The following TANC1 variants were observed in gnomAD, a reference collection of about 807,000 sequenced individuals.
TANC1 encodes tetratricopeptide repeat, ankyrin repeat and coiled-coil containing 1.
Under a neutral mutation model 149.7 loss-of-function variants are expected in TANC1, and 77 were observed. The ratio of observed to expected loss-of-function variants is 0.51; its 90% CI spans 0.43 to 0.62. TANC1 has a LOEUF of 0.62. Ranked by LOEUF, TANC1 falls within the 20% of genes least tolerant of loss-of-function variation. The pLI is 0.00. For missense variants in TANC1, 1,985 were observed against 2,321.8 expected, an observed-to-expected ratio of 0.85 and a Z score of 2.98; for synonymous variants, 854 against 925.0, an observed-to-expected ratio of 0.92 and a Z score of 1.39.
chr2:158,979,849 A>G (rs1383891692), intron 1 of TANC1, among the ~76,000 whole-genome samples: 1 of 152,226 alleles, frequency 6.6e-6, no homozygotes, highest in African/African-American at 2.4e-5. Context: ...GGGATTTCAT[A>G]TTGTAGAAAG....
At chr2:159,007,549 T>A (rs529262689) in intron 2 of TANC1, among the ~76,000 whole-genome samples, 1 of 152,196 alleles carries the variant, frequency 6.6e-6, no homozygotes. Context: ...TGCTGTATGG[T>A]TTTGTATCCT....
intron 2 of TANC1, among the ~76,000 whole-genome samples, chr2:159,062,886 G>A (rs1358986559): frequency 1.4e-5 from 2 of 146,664 alleles, no homozygotes; most frequent in East Asian, 2.1e-4. Context: ...AGAATGGCGT[G>A]AACCCGGGAA....
intron 5 of TANC1, among the ~76,000 whole-genome samples, chr2:159,138,769 T>G (rs1012308347): frequency 3.9e-5 from 6 of 152,228 alleles, no homozygotes; most frequent in African/African-American, 1.4e-4. Flanking sequence ...CAGACTCCAC[T>G]GAAAACAGCT....
At position 159,098,497 on chromosome 2, in the gene TANC1, G is replaced by T. The variant is rs530252287; in HGVS notation, c.259+663G>T. On this transcript the variant is annotated intron_variant, in intron 4 of 26. Coordinates refer to ENST00000263635, the MANE Select transcript of TANC1 (RefSeq NM_033394.3). ...TGTAATCCAAACTCATACGTGGTGT[G>T]TTTAAAGGTTATGGATGTAGGCAAA... Among the ~76,000 whole-genome samples, 3 of 152,312 alleles carry T rather than the reference G, an allele frequency of 2.0e-5. No individual in the cohort carries two copies. In the East Asian group the frequency reaches 5.8e-4, roughly 29 times the overall value.
At chr2:159,033,245 G>C (rs540717484) in intron 2 of TANC1, among the ~76,000 whole-genome samples, 10 of 152,286 alleles carry the variant, frequency 6.6e-5, no homozygotes, top group Non-Finnish European at 1.2e-4. Context: ...CTTGGTGTCG[G>C]GAGGGTGGGA....
At chr2:159,207,518 G>T (rs2058684272) in intron 19 of TANC1, among the ~76,000 whole-genome samples, 1 of 151,764 alleles carries the variant, frequency 6.6e-6, no homozygotes, top group Non-Finnish European at 1.5e-5. Context: ...TGGCCAACAT[G>T]GTGAAACCCC....
intron 2 of TANC1, among the ~76,000 whole-genome samples, chr2:159,020,870 CTT>C (rs762059809): frequency 6.9e-6 from 1 of 144,182 alleles, no homozygotes. Flanking sequence ...CAGTCAGTCT[CTT>C]TTTTTTTTTT....
chr2:159,018,481 A>G (rs1319816497), intron 2 of TANC1, among the ~76,000 whole-genome samples: 1 of 152,202 alleles, frequency 6.6e-6, no homozygotes, highest in East Asian at 1.9e-4. Flanking sequence ...AAAAAACTGT[A>G]GTAAAATATA....
intron 3 of TANC1, among the ~76,000 whole-genome samples, chr2:159,089,218 C>G (rs185878707): frequency 6.6e-6 from 1 of 152,166 alleles, no homozygotes; most frequent in African/African-American, 2.4e-5. Flanking sequence ...CCCCTTTTGT[C>G]ATCTTTAAAA....
At chr2:159,102,015 C>T (rs946723044) in intron 4 of TANC1, among the ~76,000 whole-genome samples, 1 of 152,146 alleles carries the variant, frequency 6.6e-6, no homozygotes, top group African/African-American at 2.4e-5. Context: ...AACTTCTCTG[C>T]CTGTTTTGTT....
In TANC1 at chr2:159,169,333, T is replaced by C. The variant is rs771318693; in HGVS notation, c.1030T>C (p.Trp344Arg). 4.3e-6 allele frequency: 7 copies of C among 1,613,914 alleles called. No individual in the cohort carries two copies. Among genetic ancestry groups the C allele is most frequent in the Non-Finnish European group, 5.1e-6 (6 of 1,179,910 alleles). The change falls in exon 9 of 27, where the codon TGG becomes CGG. Residue 344 changes from tryptophan to arginine, a missense_variant. Transcript: ENST00000263635. ...TCTACGGACGTCAATTAGATTACCA[T>C]GGCACAATACGGCCGGAGGTAGGGC... ...APLRTSIRLP[W>R]HNTAGGRAQE...
At chr2:159,174,905 G>T in intron 11 of TANC1, 48 bp from the exon 12 acceptor site, 1 of 1,418,056 alleles carries the variant, frequency 7.1e-7, no homozygotes, top group South Asian at 1.1e-5. Context: ...TGCAGAAGGA[G>T]CTGTGTGAAG....
chr2:159,109,094 C>T (rs396044), intron 4 of TANC1, among the ~76,000 whole-genome samples: 49,514 of 151,996 alleles, frequency 0.33, 8,778 homozygotes, highest in East Asian at 0.63. Context: ...GCTGACCTTT[C>T]GAAGAGGCTA....
At position 159,229,954 on chromosome 2, in the gene TANC1, A is replaced by G. The variant is rs2060250766; in HGVS notation, c.4528A>G (p.Ile1510Val). Reference protein sequence around the residue: ...RPVSPQSRAGIGKSLREPVAQ... With the variant: ...RPVSPQSRAGVGKSLREPVAQ... ...GGTATCGCCACAGAGCAGGGCAGGA[A>G]TCGGCAAGTCCCTGAGAGAGCCTGT... Residue 1510 changes from isoleucine to valine, a missense_variant, in exon 27 of 27, where the codon ATC becomes GTC. By Grantham distance (29) the Ile-to-Val change is conservative (BLOSUM62 3). Transcript: ENST00000263635. 6.2e-7 allele frequency: 1 copy of G among 1,614,074 alleles called. No individual in the cohort carries two copies. Among genetic ancestry groups the G allele is most frequent in the Non-Finnish European group, 8.5e-7 (1 of 1,180,038 alleles).
At chr2:159,022,581 C>T (rs550268654) in intron 2 of TANC1, among the ~76,000 whole-genome samples, 1 of 152,194 alleles carries the variant, frequency 6.6e-6, no homozygotes, top group South Asian at 2.1e-4. Flanking sequence ...CCCATCTCTA[C>T]TAAAAATACA....
chr2:159,004,995 G>T (rs2037011309), intron 2 of TANC1, among the ~76,000 whole-genome samples: 1 of 152,170 alleles, frequency 6.6e-6, no homozygotes, highest in Non-Finnish European at 1.5e-5. Flanking sequence ...TAAAGCGATG[G>T]GCCGAAACAA....
chr2:159,217,381 AG>A, intron 19 of TANC1, 115 bp from the exon 20 acceptor site: 5 of 1,348,774 alleles, frequency 3.7e-6, no homozygotes, highest in Non-Finnish European at 5.2e-6. Flanking sequence ...GCAGGTTCAA[AG>A]GGGGAGGACA....
intron 19 of TANC1, among the ~76,000 whole-genome samples, chr2:159,212,590 G>A (rs77015125): frequency 0.012 from 1,866 of 152,222 alleles, 17 homozygotes; most frequent in Non-Finnish European, 0.02. Flanking sequence ...AGAGAAATGA[G>A]TCAGTGTCCA....
At chr2:159,168,825 T>C (rs2150450827) in intron 8 of TANC1, among the ~76,000 whole-genome samples, 1 of 152,268 alleles carries the variant, frequency 6.6e-6, no homozygotes, top group Admixed American at 6.5e-5. Context: ...ACATAGAATC[T>C]GCCCATTTAA....
Sources: gnomAD v4.1 joint callset for allele counts (sites outside exome capture counted in the v4.1 genomes callset) on GRCh38, gnomAD v4.1.1 for gene constraint, MANE v1.5 for transcripts, NCBI Gene and HGNC (gene_info 2026-07-23, HGNC 2026-07-21) for gene names.